Variants in MYLK4 observed in about 807,000 individuals in gnomAD.
MYLK4 encodes caMLCK like.
A neutral mutation model predicts 48.1 loss-of-function variants in MYLK4; 46 were observed. The ratio of observed to expected loss-of-function variants is 0.96; its 90% CI spans 0.75 to 1.22. The LOEUF (loss-of-function observed/expected upper bound fraction) is 1.22. Among genes scored for constraint, MYLK4 ranks in the 50% most tolerant of loss-of-function variants. The pLI is 0.00. For synonymous variants in MYLK4, 170 were observed against 180.8 expected (o/e 0.94, Z 0.48); for missense variants, 451 against 486.1 (o/e 0.93, Z 0.68).
At chr6:2,719,693 A>AT (rs958215407) in intron 2 of MYLK4, among the ~76,000 whole-genome samples, 52 of 152,202 alleles carry the variant, frequency 3.4e-4, no homozygotes, top group Non-Finnish European at 6.0e-4. Flanking sequence ...TTACAAGTCC[A>AT]TTAAAAAAAA....
At chr6:2,770,325 C>T in the MYLK4 span, 1 of 1,614,194 alleles carries the variant, frequency 6.2e-7, no homozygotes, top group Non-Finnish European at 8.5e-7. Flanking sequence ...AGCCGTCCCA[C>T]TGACCCTCTG....
At chr6:2,738,969 T>C (rs576802394) in intron 2 of MYLK4, among the ~76,000 whole-genome samples, 49 of 152,222 alleles carry the variant, frequency 3.2e-4, no homozygotes, top group Non-Finnish European at 6.3e-4. Flanking sequence ...TCCCACTCTA[T>C]TGGGATTGTT....
At chr6:2,738,597 GC>G (rs1309936389) in intron 2 of MYLK4, among the ~76,000 whole-genome samples, 1 of 152,170 alleles carries the variant, frequency 6.6e-6, no homozygotes, top group Non-Finnish European at 1.5e-5. Flanking sequence ...CTGTCACCTT[GC>G]AGTTGCAGAG....
At position 2,706,720 on chromosome 6, in the gene MYLK4, C is replaced by T. The variant is rs76173139; in HGVS notation, c.160-13861G>A. Among the ~76,000 whole-genome samples the T allele has an allele frequency of 6.8e-3, 1,036 of 152,232 alleles. 10 individuals carry two copies. The highest frequency in any genetic ancestry group is 0.024 in the African/African-American group (981 of 41,526). ...GAGGAGGAGAGAGGTACAGTATCAC[C>T]CAGGGCGTGCATTTCCATAGGAAGC... On this transcript the variant is annotated intron_variant, in intron 2 of 12. Transcript: ENST00000274643.
chr6:2,766,198 C>G, the MYLK4 span: 3 of 1,407,112 alleles, frequency 2.1e-6, no homozygotes, highest in South Asian at 4.7e-5. Context: ...GGGACGCGGA[C>G]GCTGCCGAAG....
intron 2 of MYLK4, among the ~76,000 whole-genome samples, chr6:2,700,123 T>C (rs1004195243): frequency 6.6e-6 from 1 of 152,182 alleles, no homozygotes; most frequent in Admixed American, 6.5e-5. Flanking sequence ...ACCTTACCTG[T>C]CCTCCCCACA....
intron 2 of MYLK4, among the ~76,000 whole-genome samples, chr6:2,735,864 T>C (rs1470658573): frequency 6.6e-6 from 1 of 152,236 alleles, no homozygotes; most frequent in Non-Finnish European, 1.5e-5. Flanking sequence ...ATTAAGGTTT[T>C]GGATCATGTC....
At chr6:2,724,947 T>C (rs1401241115) in intron 2 of MYLK4, among the ~76,000 whole-genome samples, 2 of 152,150 alleles carry the variant, frequency 1.3e-5, no homozygotes, top group African/African-American at 4.8e-5. Flanking sequence ...GGTCAGGAGT[T>C]TAAGACCAGC....
chr6:2,721,467 T>C (rs1763065006), intron 2 of MYLK4, among the ~76,000 whole-genome samples: 1 of 152,222 alleles, frequency 6.6e-6, no homozygotes, highest in South Asian at 2.1e-4. Flanking sequence ...TTTCTTTCAG[T>C]AGAAAGTAAA....
chr6:2,765,082 T>A, the MYLK4 span, among the ~76,000 whole-genome samples: 2 of 151,648 alleles, frequency 1.3e-5, no homozygotes, highest in Non-Finnish European at 2.9e-5. Context: ...CCTCGCGCAG[T>A]CCGTGGCTCC....
At chr6:2,766,029 G>T in the MYLK4 span, 3 of 1,317,716 alleles carry the variant, frequency 2.3e-6, no homozygotes, top group Non-Finnish European at 2.9e-6. Flanking sequence ...AGCCCCGGGA[G>T]GAAGGGGTCG....
rs1181202979 is a variant in MYLK4, at chr6:2,664,461, C to G, written c.*3464G>C. On this transcript the variant is annotated 3_prime_UTR_variant, in exon 13 of 13. Coordinates refer to ENST00000274643, the MANE Select transcript of MYLK4 (RefSeq NM_001012418.5). ...CGGGGTTCTGTCATTTGGCCCCCAG[C>G]ACACGCATGCACACTGGCACCCGTG... The G allele has an allele frequency of 6.6e-6, 1 of 152,192 alleles. No individual in the cohort carries two copies. The highest frequency in any genetic ancestry group is 1.5e-5 in the Non-Finnish European group (1 of 68,044). 9.4% of individuals were successfully genotyped at this position (152,192 alleles called of 1,614,324 possible).
At chr6:2,763,393 G>A in the MYLK4 span, among the ~76,000 whole-genome samples, 11 of 152,332 alleles carry the variant, frequency 7.2e-5, no homozygotes, top group African/African-American at 2.2e-4. Flanking sequence ...AGTAAGCAGC[G>A]CTTCTCAGGG....
rs145336364 is a variant in MYLK4 at position 2,679,812 on chromosome 6, G to A, written c.759-404C>T. ...ATATGTGTCGTTAATGTGCTGAATT[G>A]TTAATGTGTCCACGTAAACTCTTTG... is the stretch of plus-strand genomic sequence containing the variant. On this transcript the variant is annotated intron_variant, in intron 8 of 12. Coordinates refer to ENST00000274643, the MANE Select transcript of MYLK4 (RefSeq NM_001012418.5). Among the ~76,000 whole-genome samples the A allele has an allele frequency of 2.3e-4, 35 of 152,310 alleles. No homozygotes were observed. The Middle Eastern group carries it at 0.01, about 44-fold the overall frequency.
chr6:2,718,603 T>C (rs1208826056), intron 2 of MYLK4, among the ~76,000 whole-genome samples: 1 of 152,198 alleles, frequency 6.6e-6, no homozygotes, highest in East Asian at 1.9e-4. Context: ...TTCAGAGACA[T>C]TGGCTATAAA....
the MYLK4 span, among the ~76,000 whole-genome samples, chr6:2,763,433 G>A: frequency 3.6e-4 from 55 of 152,302 alleles, no homozygotes; most frequent in Middle Eastern, 6.8e-3. Context: ...GTCCCCAGTT[G>A]GGGGGAGGCT....
At chr6:2,677,246 A>T (rs1427459485) in intron 10 of MYLK4, among the ~76,000 whole-genome samples, 1 of 152,148 alleles carries the variant, frequency 6.6e-6, no homozygotes, top group Non-Finnish European at 1.5e-5. Context: ...TTCTTAGCAC[A>T]TGACACATTT....
Position 2,664,648 on chromosome 6 carries a change from C to T in MYLK4, c.*3277G>A, listed in dbSNP as rs1183822797. The T allele has an allele frequency of 4.6e-5, 7 of 152,184 alleles. No individual in the cohort carries two copies. The highest frequency in any genetic ancestry group is 5.9e-5 in the Non-Finnish European group (4 of 68,026). 9.4% of individuals were successfully genotyped at this position (152,184 alleles called of 1,614,324 possible). ...AAAATGGATAAAAATTAAGTATTCA[C>T]ACATCTTTCCAAACATACATCAAAG... On this transcript the variant is annotated 3_prime_UTR_variant, in exon 13 of 13. Coordinates refer to ENST00000274643, the MANE Select transcript of MYLK4 (RefSeq NM_001012418.5).
intron 2 of MYLK4, among the ~76,000 whole-genome samples, chr6:2,715,310 G>A (rs536133946): frequency 6.6e-6 from 1 of 151,742 alleles, no homozygotes; most frequent in East Asian, 1.9e-4. Flanking sequence ...GAAGAAAAGA[G>A]TTCTGGAGAT....
Sources: allele counts gnomAD v4.1 joint callset (sites outside exome capture counted in the v4.1 genomes callset), GRCh38; gene constraint gnomAD v4.1.1; transcripts MANE v1.5; gene names NCBI Gene and HGNC (gene_info 2026-07-23, HGNC 2026-07-21).